Variants in SHB observed in about 807,000 individuals in gnomAD.
SHB encodes the protein SH2 domain-containing adapter protein B.
In SHB, 20 loss-of-function variants were observed where a neutral mutation model predicts 52.3. That is an observed-to-expected ratio of 0.38 (90% CI 0.27 to 0.56). The LOEUF (loss-of-function observed/expected upper bound fraction) is 0.56, where lower values mean the gene tolerates loss of function less well. SHB is among the 20% of genes least tolerant of loss of function. The probability of loss-of-function intolerance (pLI) is 0.71; values close to 1 mark genes in which losing one functional copy is unlikely to be tolerated. For synonymous variants in SHB, 397 were observed against 316.5 expected, an observed-to-expected ratio of 1.25 and a Z score of -2.70; for missense variants, 825 against 723.3, an observed-to-expected ratio of 1.14 and a Z score of -1.61.
intron 1 of SHB, among the ~76,000 whole-genome samples, chr9:38,017,134 G>A (rs575860426): frequency 2.6e-5 from 4 of 152,236 alleles, no homozygotes; most frequent in Admixed American, 6.5e-5. Flanking sequence ...AGAACCCACC[G>A]AATCCACGCC....
chr9:38,063,051 G>A (rs149630442), intron 1 of SHB, among the ~76,000 whole-genome samples: 11 of 152,340 alleles, frequency 7.2e-5, no homozygotes, highest in African/African-American at 2.4e-4. Context: ...GAAGCCTGGG[G>A]AATGTATTTC....
chr9:37,986,607 C>T (rs887156661), intron 2 of SHB, among the ~76,000 whole-genome samples: 1 of 152,200 alleles, frequency 6.6e-6, no homozygotes, highest in Non-Finnish European at 1.5e-5. Flanking sequence ...ACAACTAGGG[C>T]TCCACCCTTT....
intron 2 of SHB, among the ~76,000 whole-genome samples, chr9:38,003,811 G>A (rs761414915): frequency 7.2e-5 from 11 of 152,336 alleles, no homozygotes; most frequent in Non-Finnish European, 1.3e-4. Flanking sequence ...TTCTCCGTAA[G>A]GTAAAGGACA....
intron 2 of SHB, among the ~76,000 whole-genome samples, chr9:38,009,351 C>G (rs1821108756): frequency 6.6e-6 from 1 of 152,226 alleles, no homozygotes; most frequent in Non-Finnish European, 1.5e-5. Flanking sequence ...CTGACAAGGG[C>G]AGCTGGAGAA....
At chr9:38,001,379 G>A (rs890091300) in intron 2 of SHB, among the ~76,000 whole-genome samples, 1 of 152,234 alleles carries the variant, frequency 6.6e-6, no homozygotes, top group Non-Finnish European at 1.5e-5. Flanking sequence ...GCACCATCGT[G>A]TAATTAAGGA....
At position 38,030,553 on chromosome 9, in the gene SHB, C is replaced by A. The variant is rs1371090080; in HGVS notation, c.718-14422G>T. ...AACATTAGGTTCTTATTTTTAAATGCCAGTATATCAGGGACTGATGTTTAT... is the reference window on the plus strand; with the variant it reads ...AACATTAGGTTCTTATTTTTAAATGACAGTATATCAGGGACTGATGTTTAT... On this transcript the variant is annotated intron_variant, in intron 1 of 5. Coordinates refer to ENST00000377707, the MANE Select transcript of SHB (RefSeq NM_003028.3). Among the ~76,000 whole-genome samples the A allele has an allele frequency of 5.4e-4, 82 of 152,132 alleles. 2 individuals carry two copies. Among genetic ancestry groups the A allele is most frequent in the Admixed American group, 5.2e-3 (80 of 15,272 alleles).
At chr9:37,920,429 G>A (rs1182792693) in intron 5 of SHB, among the ~76,000 whole-genome samples, 1 of 152,220 alleles carries the variant, frequency 6.6e-6, no homozygotes, top group South Asian at 2.1e-4. Context: ...CATGACAAGT[G>A]GGTAGGGCAG....
intron 1 of SHB, among the ~76,000 whole-genome samples, chr9:38,065,342 T>A (rs1023874105): frequency 8.5e-5 from 13 of 152,238 alleles, no homozygotes; most frequent in Non-Finnish European, 1.8e-4. Context: ...AGTCTCTGCA[T>A]CCCAAGGCTG....
At chr9:37,922,230 G>A (rs752746716) in intron 5 of SHB, among the ~76,000 whole-genome samples, 5 of 152,246 alleles carry the variant, frequency 3.3e-5, no homozygotes, top group African/African-American at 4.8e-5. Flanking sequence ...GAACAAGCCA[G>A]TTTCATTTTC....
At chr9:37,970,250 G>GTTT in intron 3 of SHB, among the ~76,000 whole-genome samples, 1 of 152,182 alleles carries the variant, frequency 6.6e-6, no homozygotes, top group Non-Finnish European at 1.5e-5. Context: ...CTGTTTGGAC[G>GTTT]GCTCCAAGTA....
chr9:37,919,896 G>A lies in SHB; in HGVS notation c.1455C>T (p.Tyr485=), dbSNP rs754860377. Residue 485 remains tyrosine, a synonymous_variant, in exon 6 of 6, where the codon TAC becomes TAT. Transcript: ENST00000377707. ...FDSVPEVIHY[Y]TTRKLPIKGA... ...CTTTGATGGGTAGCTTTCTGGTGGT[G>A]TAGTAGTGGATGACTTCCGGGACAC... The A allele has an allele frequency of 2.5e-6, 4 of 1,614,046 alleles. No individual in the cohort carries two copies. Among genetic ancestry groups the A allele is most frequent in the Admixed American group, 1.7e-5 (1 of 60,032 alleles).
chr9:38,043,845 T>C (rs951842919), intron 1 of SHB, among the ~76,000 whole-genome samples: 3 of 150,934 alleles, frequency 2.0e-5, no homozygotes, highest in African/African-American at 7.3e-5. Flanking sequence ...GCAGAGATTA[T>C]GCCATTGCAC....
intron 4 of SHB, 67 bp downstream of exon 4, chr9:37,955,811 GATGAC>G: frequency 6.9e-7 from 1 of 1,439,004 alleles, no homozygotes; most frequent in Non-Finnish European, 9.6e-7. Flanking sequence ...TTTAAAAGAA[GATGAC>G]ATGAAAGAGA....
intron 2 of SHB, among the ~76,000 whole-genome samples, chr9:37,987,253 G>A (rs540579061): frequency 6.6e-6 from 1 of 152,322 alleles, no homozygotes; most frequent in Admixed American, 6.5e-5. Flanking sequence ...ACCATTCTAG[G>A]AACACTGCGT....
intron 5 of SHB, among the ~76,000 whole-genome samples, chr9:37,927,860 G>A (rs1832267962): frequency 6.6e-6 from 1 of 152,184 alleles, no homozygotes; most frequent in Non-Finnish European, 1.5e-5. Context: ...ACGCAGAAGC[G>A]GAGGGGGATG....
chr9:38,010,596 C>CTTGG (rs1821127894), intron 2 of SHB, among the ~76,000 whole-genome samples: 1 of 152,240 alleles, frequency 6.6e-6, no homozygotes, highest in African/African-American at 2.4e-5. Flanking sequence ...CCACCTCCCA[C>CTTGG]AACCCACTCT....
chr9:37,995,493 T>C (rs1820936887), intron 2 of SHB, among the ~76,000 whole-genome samples: 1 of 151,946 alleles, frequency 6.6e-6, no homozygotes, highest in South Asian at 2.1e-4. Flanking sequence ...GGAAAAATGC[T>C]CCTCCACAGG....
At chr9:37,991,286 T>C (rs1392562938) in intron 2 of SHB, among the ~76,000 whole-genome samples, 2 of 152,160 alleles carry the variant, frequency 1.3e-5, no homozygotes, top group Non-Finnish European at 2.9e-5. Context: ...ATTTCCCACC[T>C]CCGCTTCTCT....
In SHB at chr9:37,974,720, C is replaced by T. The variant is rs778697368; in HGVS notation, c.956G>A (p.Arg319Gln). 2.7e-5 allele frequency: 43 copies of T among 1,613,964 alleles called. 1 individual carries two copies. The highest frequency in any genetic ancestry group is 3.3e-4 in the Middle Eastern group (2 of 6,084). The change falls in exon 3 of 6, where the codon CGA (arginine) becomes CAA (glutamine). Residue 319 changes from arginine to glutamine, a missense_variant. Arg to Gln is a conservative substitution (Grantham distance 43). Coordinates refer to ENST00000377707, the MANE Select transcript of SHB (RefSeq NM_003028.3). ...DSDSESTVSPRLRESKLPQDD... is the reference protein window; with the variant it reads ...DSDSESTVSPQLRESKLPQDD... ...CTGGGGCAGCTTGCTCTCCCGCAGT[C>T]GGGGGCTGACTGTGCTCTCCGAGTC...
Sources: gnomAD v4.1 joint callset for allele counts (sites outside exome capture counted in the v4.1 genomes callset) on GRCh38, gnomAD v4.1.1 for gene constraint, MANE v1.5 for transcripts, NCBI Gene and HGNC (gene_info 2026-07-23, HGNC 2026-07-21) for gene names.